SLC35F3: variants seen among roughly 807,000 people sequenced by gnomAD.
SLC35F3 encodes solute carrier family 35 member F3.
In SLC35F3, 25 loss-of-function variants were observed where a neutral mutation model predicts 49.9. The ratio of observed to expected loss-of-function variants is 0.50; its 90% CI spans 0.37 to 0.70. The LOEUF is 0.70. Ranked by LOEUF, SLC35F3 falls within the 30% of genes least tolerant of loss-of-function variation. SLC35F3 has a pLI of 0.00. For missense variants in SLC35F3, 525 were observed against 639.8 expected, an observed-to-expected ratio of 0.82 and a Z score of 1.94; for synonymous variants, 275 against 265.4, an observed-to-expected ratio of 1.04 and a Z score of -0.35.
intron 3 of SLC35F3, among the ~76,000 whole-genome samples, chr1:234,275,994 AAG>A (rs1012075454): frequency 6.6e-6 from 1 of 152,114 alleles, no homozygotes; most frequent in Non-Finnish European, 1.5e-5. Flanking sequence ...TATGAAATGA[AAG>A]AGTCAGAAGA....
At chr1:234,282,095 C>T (rs896621805) in intron 3 of SLC35F3, among the ~76,000 whole-genome samples, 1 of 152,174 alleles carries the variant, frequency 6.6e-6, no homozygotes, top group Admixed American at 6.5e-5. Context: ...CAACACCCTC[C>T]GGCATCATTG....
chr1:234,304,635 C>CT (rs972847287), intron 3 of SLC35F3, among the ~76,000 whole-genome samples: 2 of 152,168 alleles, frequency 1.3e-5, no homozygotes, highest in African/African-American at 4.8e-5. Context: ...TTTATGAGGA[C>CT]TTATCCAGTC....
At chr1:234,151,912 T>C (rs1224613210) in intron 2 of SLC35F3, among the ~76,000 whole-genome samples, 1 of 152,090 alleles carries the variant, frequency 6.6e-6, no homozygotes, top group African/African-American at 2.4e-5. Flanking sequence ...TTAAAGAGCA[T>C]TTTATACCTT....
chr1:234,192,231 C>T (rs965864499), intron 2 of SLC35F3, among the ~76,000 whole-genome samples: 4 of 152,126 alleles, frequency 2.6e-5, no homozygotes, highest in Non-Finnish European at 5.9e-5. Context: ...AATCCAACAG[C>T]ATATCAGAAA....
intron 2 of SLC35F3, among the ~76,000 whole-genome samples, chr1:233,922,746 G>A (rs914610159): frequency 3.9e-5 from 6 of 152,142 alleles, no homozygotes; most frequent in Non-Finnish European, 8.8e-5. Flanking sequence ...GAATGGTATT[G>A]CCTAGGTTTT....
chr1:234,274,176 A>G lies in SLC35F3; in HGVS notation c.609-34925A>G, dbSNP rs140839195. 8.5e-5 allele frequency: 13 copies of G among 152,366 alleles called. No individual in the cohort carries two copies. The East Asian group carries it at 2.5e-3, about 29-fold the overall frequency. 9.4% of individuals were successfully genotyped at this position (152,366 alleles called of 1,614,324 possible). A position where few individuals can be genotyped will look rare whatever the true frequency, so the allele number is the denominator to read the frequency against. On this transcript the variant is annotated intron_variant, in intron 3 of 7. Coordinates refer to ENST00000366618, the MANE Select transcript of SLC35F3 (RefSeq NM_173508.4). ...CTTATTGGAATTTCCAGGCAGCTGG[A>G]GAACAAATACAAAAATCTTAATTAA...
intron 2 of SLC35F3, among the ~76,000 whole-genome samples, chr1:233,986,423 A>G (rs776595060): frequency 1.3e-5 from 2 of 152,214 alleles, no homozygotes; most frequent in Non-Finnish European, 2.9e-5. Context: ...TTTAGCTTCC[A>G]AATGTAGAAA....
At chr1:234,205,418 G>A (rs532551256) in intron 2 of SLC35F3, among the ~76,000 whole-genome samples, 3 of 152,324 alleles carry the variant, frequency 2.0e-5, no homozygotes, top group South Asian at 2.1e-4. Flanking sequence ...CTGAGATCGC[G>A]CCAGTGCACT....
intron 2 of SLC35F3, among the ~76,000 whole-genome samples, chr1:234,074,397 A>G (rs1664763995): frequency 6.6e-6 from 1 of 152,256 alleles, no homozygotes; most frequent in South Asian, 2.1e-4. Context: ...TATGTCAAGT[A>G]TAAGAGGCAA....
In SLC35F3 at chr1:234,265,241, C is replaced by T. The variant is rs751436867; in HGVS notation, c.608+33500C>T. ...ATCAAACCCTTCATGTTCTATTCCT[C>T]TCACAATCCTCCCCACCTTGAATTA... On this transcript the variant is annotated intron_variant, in intron 3 of 7. Coordinates refer to ENST00000366618, the MANE Select transcript of SLC35F3 (RefSeq NM_173508.4). Among the ~76,000 whole-genome samples the T allele has an allele frequency of 2.8e-4, 43 of 152,234 alleles. 1 individual carries two copies. Among genetic ancestry groups the T allele is most frequent in the Admixed American group, 8.5e-4 (13 of 15,288 alleles).
intron 2 of SLC35F3, among the ~76,000 whole-genome samples, chr1:234,096,265 C>T (rs1181453156): frequency 6.9e-6 from 1 of 144,670 alleles, no homozygotes; most frequent in East Asian, 5.4e-4. Context: ...CTCTCTTTCC[C>T]CACATCACCC....
intron 2 of SLC35F3, among the ~76,000 whole-genome samples, chr1:234,034,189 T>G (rs530116510): frequency 6.6e-6 from 1 of 152,336 alleles, no homozygotes; most frequent in South Asian, 2.1e-4. Context: ...TGCTACTCAT[T>G]TGTGCACATT....
intron 2 of SLC35F3, among the ~76,000 whole-genome samples, chr1:234,068,677 GTGTGTGCA>G (rs1288497312): frequency 6.6e-6 from 1 of 151,484 alleles, no homozygotes; most frequent in Non-Finnish European, 1.5e-5. Context: ...GCAAGCATGT[GTGTGTGCA>G]TGTGTGCATG....
intron 2 of SLC35F3, among the ~76,000 whole-genome samples, chr1:234,142,755 T>C (rs752710468): frequency 3.9e-5 from 6 of 152,130 alleles, no homozygotes; most frequent in Non-Finnish European, 8.8e-5. Context: ...ATGGCCCTTT[T>C]CCCATAGAGT....
chr1:234,086,131 T>C (rs1343878396), intron 2 of SLC35F3, among the ~76,000 whole-genome samples: 4 of 152,222 alleles, frequency 2.6e-5, no homozygotes, highest in African/African-American at 9.6e-5. Context: ...AATGTATGCA[T>C]TAGTTCCCCA....
chr1:234,272,073 C>A (rs1668116498), intron 3 of SLC35F3, among the ~76,000 whole-genome samples: 1 of 152,144 alleles, frequency 6.6e-6, no homozygotes, highest in Non-Finnish European at 1.5e-5. Context: ...CTGTAGTGAG[C>A]CAAGATCATG....
intron 2 of SLC35F3, among the ~76,000 whole-genome samples, chr1:233,958,156 T>C (rs985304765): frequency 6.6e-6 from 1 of 152,214 alleles, no homozygotes; most frequent in Non-Finnish European, 1.5e-5. Context: ...GAGGACTCTC[T>C]TCTATTTTAT....
intron 2 of SLC35F3, among the ~76,000 whole-genome samples, chr1:234,200,173 ATGTC>A (rs1666880281): frequency 6.6e-6 from 1 of 152,134 alleles, no homozygotes; most frequent in Non-Finnish European, 1.5e-5. Flanking sequence ...GTCAAAAAAA[ATGTC>A]TGTGTTCTCA....
At chr1:233,958,795 A>G (rs564252835) in intron 2 of SLC35F3, among the ~76,000 whole-genome samples, 20 of 152,380 alleles carry the variant, frequency 1.3e-4, no homozygotes, top group African/African-American at 4.6e-4. Context: ...TCCAAGTTAC[A>G]TAATATGAAA....
Sources: allele counts gnomAD v4.1 joint callset (sites outside exome capture counted in the v4.1 genomes callset), GRCh38; gene constraint gnomAD v4.1.1; transcripts MANE v1.5; gene names NCBI Gene and HGNC (gene_info 2026-07-23, HGNC 2026-07-21).